The following FMN2 variants were observed in gnomAD, a reference collection of about 807,000 sequenced individuals.
The protein encoded by FMN2 is formin-2.
FMN2 carries 51 observed loss-of-function variants against 142.3 expected under a neutral mutation model. The observed-to-expected ratio is 0.36, with a 90% confidence interval of 0.29 to 0.45. FMN2 has a LOEUF of 0.45. Among genes scored for constraint, FMN2 ranks in the 20% least tolerant of loss-of-function variants. The pLI is 1.00. For synonymous variants in FMN2, 882 were observed against 869.8 expected (o/e 1.01, Z -0.25); for missense variants, 1,936 against 2,122.8 (o/e 0.91, Z 1.73).
intron 5 of FMN2, 126 bp downstream of exon 5, chr1:240,208,858 T>C: frequency 8.0e-7 from 1 of 1,248,572 alleles, no homozygotes; most frequent in Non-Finnish European, 1.1e-6. Context: ...GTCTAGATTT[T>C]TACATCAATA....
chr1:240,222,034 T>A (rs1384641753), intron 6 of FMN2, among the ~76,000 whole-genome samples: 1 of 135,600 alleles, frequency 7.4e-6, no homozygotes, highest in South Asian at 2.4e-4. Flanking sequence ...TTTTTTTGTA[T>A]TTTTAGTAGA....
chr1:240,159,954 TATCTGTGTATATATATATATAC>T (rs1664205911), intron 2 of FMN2, among the ~76,000 whole-genome samples: 2 of 132,554 alleles, frequency 1.5e-5, no homozygotes, highest in Non-Finnish European at 3.1e-5. Flanking sequence ...TATATATCTA[TATCTGTGTATATATATATATAC>T]ACACACACAC....
intron 14 of FMN2, among the ~76,000 whole-genome samples, chr1:240,367,269 T>A (rs951607962): frequency 6.6e-6 from 1 of 152,230 alleles, no homozygotes; most frequent in East Asian, 1.9e-4. Flanking sequence ...TTTTAATGAC[T>A]TGTCTTTTAC....
At chr1:240,434,527 T>G (rs1037485869) in intron 15 of FMN2, among the ~76,000 whole-genome samples, 2 of 36,764 alleles carry the variant, frequency 5.4e-5, no homozygotes, top group African/African-American at 5.0e-5. Flanking sequence ...TATTTGCTTG[T>G]TTTTTTTTGT....
intron 14 of FMN2, among the ~76,000 whole-genome samples, chr1:240,358,968 T>C (rs1283678735): frequency 6.6e-6 from 1 of 151,980 alleles, no homozygotes; most frequent in Non-Finnish European, 1.5e-5. Flanking sequence ...CTACTAAAAA[T>C]ACAAAAGTTA....
At chr1:240,209,828 C>T (rs928879558) in intron 5 of FMN2, among the ~76,000 whole-genome samples, 8 of 151,622 alleles carry the variant, frequency 5.3e-5, no homozygotes, top group Non-Finnish European at 8.8e-5. Flanking sequence ...GGCATGAACC[C>T]GGGAGGCGGA....
At chr1:240,308,317 A>G (rs1034936803) in intron 8 of FMN2, among the ~76,000 whole-genome samples, 1 of 152,230 alleles carries the variant, frequency 6.6e-6, no homozygotes, top group Non-Finnish European at 1.5e-5. Flanking sequence ...CCCTCTAGGG[A>G]CTTGTAGAAC....
intron 15 of FMN2, among the ~76,000 whole-genome samples, chr1:240,432,690 T>G (rs1019365793): frequency 5.3e-5 from 8 of 152,068 alleles, no homozygotes; most frequent in Non-Finnish European, 1.0e-4. Flanking sequence ...TTTGTTTTTA[T>G]TTTTATTTAG....
At chr1:240,400,338 G>T (rs557102483) in intron 15 of FMN2, among the ~76,000 whole-genome samples, 1 of 152,156 alleles carries the variant, frequency 6.6e-6, no homozygotes, top group Non-Finnish European at 1.5e-5. Flanking sequence ...CAGCGCAACC[G>T]CTGGCCACCA....
chr1:240,207,466 G>A lies in FMN2; in HGVS notation c.2654G>A (p.Gly885Asp). 4.3e-6 allele frequency: 7 copies of A among 1,612,998 alleles called. No individual in the cohort carries two copies. The highest frequency in any genetic ancestry group is 5.9e-6 in the Non-Finnish European group (7 of 1,179,652). Residue 885 changes from glycine (G) to aspartate (D), a missense_variant, in exon 5 of 18, where the codon GGC becomes GAC. By Grantham distance (94) the Gly-to-Asp change is moderately conservative (BLOSUM62 -1). Transcript: ENST00000319653. Reference sequence around the variant, plus strand: ...CCTCCCCCACCTCCCCCTCTCCCTGGCATGACAGTGCCTACTCTGCCCAGT... The same window carrying A: ...CCTCCCCCACCTCCCCCTCTCCCTGACATGACAGTGCCTACTCTGCCCAGT... ...MVPPPPPPLP[G>D]MTVPTLPSTA...
intron 8 of FMN2, among the ~76,000 whole-genome samples, chr1:240,326,111 A>C (rs1671162780): frequency 6.6e-6 from 1 of 152,172 alleles, no homozygotes; most frequent in South Asian, 2.1e-4. Context: ...GTGTGTACAC[A>C]TGTATGTATA....
rs35875922 is a variant in FMN2 at position 240,467,277 on chromosome 1, C to CTTT, written c.5061-5082_5061-5080dup. The stretch of plus-strand genomic sequence containing the variant: ...CCATCAACTAAAAGTTAAATCGTTC[C>CTTT]TTTTTTTTTTTTTTTGAGACAGAGT... On this transcript the variant is annotated intron_variant, in intron 16 of 17. Transcript: ENST00000319653. Among the ~76,000 whole-genome samples, 94 of 140,938 alleles carry CTTT rather than the reference C, an allele frequency of 6.7e-4. 3 individuals carry two copies. Among genetic ancestry groups the CTTT allele is most frequent in the Middle Eastern group, 3.6e-3 (1 of 274 alleles). 92.5% of individuals were successfully genotyped at this position (140,938 alleles called of 152,430 possible).
At chr1:240,385,598 CTACTG>C (rs1370745826) in intron 14 of FMN2, among the ~76,000 whole-genome samples, 1 of 152,120 alleles carries the variant, frequency 6.6e-6, no homozygotes, top group Non-Finnish European at 1.5e-5. Context: ...ACTGTACTGT[CTACTG>C]TACTGTCTAG....
chr1:240,418,305 T>C (rs144997331), intron 15 of FMN2, among the ~76,000 whole-genome samples: 5,212 of 151,836 alleles, frequency 0.034, 280 homozygotes, highest in African/African-American at 0.12. Flanking sequence ...GTTCAAGTGA[T>C]TCTGCCTCAG....
Position 240,092,634 on chromosome 1 carries a change from C to A in FMN2, c.525C>A (p.Thr175=), listed in dbSNP as rs1572736839. 6.2e-7 allele frequency: 1 copy of A among 1,614,112 alleles called. No homozygotes were observed. The highest frequency in any genetic ancestry group is 2.2e-5 in the East Asian group (1 of 44,856). ...TAAGAQDGQR[T]SSGSDTDIYS... ...CAGGGGCGCAGGATGGACAAAGGAC[C>A]AGCTCGGGCTCGGACACGGACATCT... Residue 175 remains threonine (T), a synonymous_variant, in exon 1 of 18, where the codon ACC becomes ACA. Transcript: ENST00000319653.
chr1:240,398,552 A>C (rs979292195), intron 15 of FMN2, among the ~76,000 whole-genome samples: 3 of 152,218 alleles, frequency 2.0e-5, no homozygotes, highest in Non-Finnish European at 4.4e-5. Context: ...CCCAAAATTC[A>C]AAAGTAAAAA....
chr1:240,443,581 T>G (rs1675700682), intron 16 of FMN2, among the ~76,000 whole-genome samples: 1 of 152,026 alleles, frequency 6.6e-6, no homozygotes, highest in African/African-American at 2.4e-5. Flanking sequence ...GGTGAAACCC[T>G]GTCTCCACTA....
chr1:240,366,292 A>AT (rs1672668042), intron 14 of FMN2, among the ~76,000 whole-genome samples: 1 of 152,074 alleles, frequency 6.6e-6, no homozygotes, highest in South Asian at 2.1e-4. Flanking sequence ...TGAATTTTCT[A>AT]TTTATCATTC....
chr1:240,235,201 CAA>C (rs1440464220), intron 6 of FMN2, among the ~76,000 whole-genome samples: 1 of 152,096 alleles, frequency 6.6e-6, no homozygotes, highest in Non-Finnish European at 1.5e-5. Context: ...TGCGATAAAT[CAA>C]GAGTGACTTC....
Sources: allele counts gnomAD v4.1 joint callset (sites outside exome capture counted in the v4.1 genomes callset), GRCh38; gene constraint gnomAD v4.1.1; transcripts MANE v1.5; gene names NCBI Gene and HGNC (gene_info 2026-07-23, HGNC 2026-07-21).